Variants in ANK3 observed in about 807,000 individuals in gnomAD.
ANK3 encodes the protein ankyrin-3.
In ANK3, 57 loss-of-function variants were observed where a neutral mutation model predicts 370.9. That is an observed-to-expected ratio of 0.15 (90% CI 0.12 to 0.19). The LOEUF (loss-of-function observed/expected upper bound fraction) is 0.19. ANK3 is among the 10% of genes least tolerant of loss of function. The probability of loss-of-function intolerance (pLI) is 1.00; values close to 1 mark genes in which losing one functional copy is unlikely to be tolerated. For missense variants in ANK3, 4,439 were observed against 5,302.1 expected (o/e 0.84, Z 5.06); for synonymous variants, 1,929 against 1,946.3 (o/e 0.99, Z 0.23).
chr10:60,297,301 G>A (rs1043790282), intron 1 of ANK3, among the ~76,000 whole-genome samples: 2 of 152,058 alleles, frequency 1.3e-5, no homozygotes, highest in African/African-American at 4.8e-5. Flanking sequence ...AAATGTTTGC[G>A]ATCATGAATA....
chr10:60,681,152 C>T (rs2079189921), intron 1 of ANK3, among the ~76,000 whole-genome samples: 1 of 152,140 alleles, frequency 6.6e-6, no homozygotes, highest in Admixed American at 6.5e-5. Context: ...TTTGCATCTC[C>T]CCATTTCTAC....
chr10:60,683,901 C>T (rs865954567), intron 1 of ANK3, among the ~76,000 whole-genome samples: 2 of 152,286 alleles, frequency 1.3e-5, no homozygotes, highest in African/African-American at 4.8e-5. Context: ...GACAGATGAA[C>T]AGATGGACAG....
chr10:60,143,431 G>A (rs1027239057), intron 23 of ANK3, among the ~76,000 whole-genome samples: 8 of 152,160 alleles, frequency 5.3e-5, no homozygotes, highest in East Asian at 1.9e-4. Flanking sequence ...CTTCTAACAC[G>A]TGTGTATAAG....
chr10:60,173,317 T>C (rs2095843917), intron 18 of ANK3, 131 bp from the exon 19 acceptor site: 1 of 678,964 alleles, frequency 1.5e-6, no homozygotes, highest in East Asian at 2.8e-5. Context: ...TTCTTCTCTA[T>C]ATTAAAAAAA....
At chr10:60,623,668 G>T (rs1371962788) in intron 1 of ANK3, among the ~76,000 whole-genome samples, 2 of 152,192 alleles carry the variant, frequency 1.3e-5, no homozygotes, top group Non-Finnish European at 2.9e-5. Flanking sequence ...ACCTGGCAAG[G>T]ATATTAAATG....
intron 1 of ANK3, among the ~76,000 whole-genome samples, chr10:60,313,492 ATCT>A (rs996669023): frequency 1.3e-5 from 2 of 152,102 alleles, no homozygotes; most frequent in Non-Finnish European, 2.9e-5. Flanking sequence ...GAACATATAG[ATCT>A]TCTGCTGTCC....
chr10:60,089,017 G>T (rs1273461242), intron 28 of ANK3, among the ~76,000 whole-genome samples: 2 of 152,132 alleles, frequency 1.3e-5, no homozygotes, highest in Non-Finnish European at 2.9e-5. Context: ...AGAAAAAAAA[G>T]TGAGGCCTCA....
intron 1 of ANK3, among the ~76,000 whole-genome samples, chr10:60,732,554 G>C (rs998086105): frequency 6.6e-6 from 1 of 152,160 alleles, no homozygotes; most frequent in Non-Finnish European, 1.5e-5. Context: ...GGAGATCGAA[G>C]AGAAGGTAAA....
chr10:60,082,578 C>A (rs1227710275), intron 34 of ANK3, 37 bp downstream of exon 34: 2 of 1,602,620 alleles, frequency 1.2e-6, no homozygotes, highest in African/African-American at 1.3e-5. Context: ...TTCTTCAAGA[C>A]CAGGGAAAGA....
intron 2 of ANK3, among the ~76,000 whole-genome samples, chr10:60,607,997 T>G (rs986006991): frequency 3.9e-5 from 6 of 152,160 alleles, no homozygotes; most frequent in African/African-American, 4.8e-5. Flanking sequence ...CTTGACGAAT[T>G]TTTCTGTTTT....
At chr10:60,214,841 T>A (rs753498438) in intron 8 of ANK3, among the ~76,000 whole-genome samples, 1 of 152,238 alleles carries the variant, frequency 6.6e-6, no homozygotes, top group African/African-American at 2.4e-5. Context: ...TATGTCTTTA[T>A]AGTAGAATGA....
intron 2 of ANK3, among the ~76,000 whole-genome samples, chr10:60,538,288 C>A (rs190643035): frequency 1.3e-3 from 200 of 151,918 alleles, no homozygotes; most frequent in African/African-American, 4.5e-3. Flanking sequence ...ATTTGTCCAC[C>A]ACTAAAGAAA....
intron 1 of ANK3, among the ~76,000 whole-genome samples, chr10:60,299,325 G>C (rs2043199321): frequency 6.6e-6 from 1 of 152,090 alleles, no homozygotes; most frequent in Admixed American, 6.6e-5. Flanking sequence ...AAAATTGTAA[G>C]TTTTCCAAAT....
intron 2 of ANK3, among the ~76,000 whole-genome samples, chr10:60,593,193 T>G (rs1189264658): frequency 6.6e-6 from 1 of 152,202 alleles, no homozygotes; most frequent in Non-Finnish European, 1.5e-5. Flanking sequence ...CAATTAATCT[T>G]AAGGATCTTT....
intron 42 of ANK3, among the ~76,000 whole-genome samples, chr10:60,050,432 T>C (rs2131892398): frequency 6.6e-6 from 1 of 152,314 alleles, no homozygotes; most frequent in African/African-American, 2.4e-5. Context: ...AGCACCAGGA[T>C]TAAGAAATTT....
intron 1 of ANK3, among the ~76,000 whole-genome samples, chr10:60,302,521 T>C (rs1392299765): frequency 1.3e-5 from 2 of 152,190 alleles, no homozygotes; most frequent in African/African-American, 4.8e-5. Context: ...CTCACAGCTA[T>C]GTTGTGAAGC....
chr10:60,132,943 G>T (rs2094167048), intron 25 of ANK3, among the ~76,000 whole-genome samples: 1 of 151,952 alleles, frequency 6.6e-6, no homozygotes, highest in Non-Finnish European at 1.5e-5. Flanking sequence ...GAGTTTTTTT[G>T]TCTGACCAAA....
intron 18 of ANK3, among the ~76,000 whole-genome samples, chr10:60,174,760 C>T (rs914931121): frequency 6.6e-6 from 1 of 152,056 alleles, no homozygotes; most frequent in African/African-American, 2.4e-5. Flanking sequence ...TTATTTGAGA[C>T]AGGGTCTTGC....
intron 2 of ANK3, among the ~76,000 whole-genome samples, chr10:60,565,437 T>C (rs2077436545): frequency 6.6e-6 from 1 of 152,194 alleles, no homozygotes; most frequent in Non-Finnish European, 1.5e-5. Flanking sequence ...CAGACTGATA[T>C]CAGTCCACGT....
Sources: gnomAD v4.1 joint callset for allele counts (sites outside exome capture counted in the v4.1 genomes callset) on GRCh38, gnomAD v4.1.1 for gene constraint, MANE v1.5 for transcripts, NCBI Gene and HGNC (gene_info 2026-07-23, HGNC 2026-07-21) for gene names.